KANK4: variants seen among roughly 807,000 people sequenced by gnomAD.
KANK4 encodes KN motif and ankyrin repeat domain-containing protein 4.
KANK4 carries 50 observed loss-of-function variants against 80.8 expected under a neutral mutation model. That is an observed-to-expected ratio of 0.62 (90% confidence interval 0.49 to 0.78). KANK4 has a LOEUF of 0.78. Ranked by LOEUF, KANK4 falls within the 30% of genes least tolerant of loss-of-function variation. KANK4 has a pLI of 0.00. For synonymous variants in KANK4, 465 were observed against 506.9 expected (o/e 0.92, Z 1.11); for missense variants, 1,196 against 1,240.1 (o/e 0.96, Z 0.53).
chr1:62,288,138 A>G, intron 1 of KANK4, among the ~76,000 whole-genome samples: 1 of 152,180 alleles, frequency 6.6e-6, no homozygotes, highest in East Asian at 1.9e-4. Flanking sequence ...AGCCAGCTTC[A>G]TGCTCCTACC....
chr1:62,295,957 C>T (rs1644359825), intron 1 of KANK4, among the ~76,000 whole-genome samples: 1 of 150,298 alleles, frequency 6.7e-6, no homozygotes, highest in Non-Finnish European at 1.5e-5. Flanking sequence ...TTGACTCTGT[C>T]CTGGGTAAGT....
Position 62,274,773 on chromosome 1 carries a change from G to A in KANK4, c.331C>T (p.Pro111Ser), listed in dbSNP as rs1672268590. The A allele has an allele frequency of 6.2e-7, 1 of 1,613,940 alleles. No homozygotes were observed. Among genetic ancestry groups the A allele is most frequent in the Admixed American group, 1.7e-5 (1 of 60,010 alleles). The change falls in exon 3 of 10, where the codon CCG becomes TCG. Residue 111 changes from proline (P) to serine (S), a missense_variant. Pro to Ser is a moderately conservative substitution (Grantham distance 74). Transcript: ENST00000371153. The part of the protein sequence containing the change: ...LGTQEQNQSP[P>S]LGNAPQASTS... Reference sequence around the variant, plus strand: ...GAGGCCTGGGGGGCATTACCAAGCGGTGGTGACTGGTTTTGCTCCTGTGTC... The same window carrying A: ...GAGGCCTGGGGGGCATTACCAAGCGATGGTGACTGGTTTTGCTCCTGTGTC...
chr1:62,314,272 C>T (rs1644521733), intron 1 of KANK4, among the ~76,000 whole-genome samples: 1 of 152,152 alleles, frequency 6.6e-6, no homozygotes, highest in Non-Finnish European at 1.5e-5. Context: ...CCTCAGCCTC[C>T]CAAAGTGCTG....
chr1:62,299,947 C>T (rs968281287), intron 1 of KANK4, among the ~76,000 whole-genome samples: 1 of 152,224 alleles, frequency 6.6e-6, no homozygotes, highest in South Asian at 2.1e-4. Context: ...GTTTTGGGCC[C>T]AGCCCCTCGG....
At chr1:62,314,347 G>A (rs770893622) in intron 1 of KANK4, among the ~76,000 whole-genome samples, 50 of 152,122 alleles carry the variant, frequency 3.3e-4, no homozygotes, top group Non-Finnish European at 5.6e-4. Flanking sequence ...CCCAGGAGTA[G>A]GATGGCTACA....
At position 62,279,516 on chromosome 1, in the gene KANK4, C is replaced by T. The variant is rs544359756; in HGVS notation, c.16+2033G>A. On this transcript the variant is annotated intron_variant, in intron 2 of 9. Transcript: ENST00000371153. ...ATCAAATAAACCAACACATGGCCAA[C>T]CTGGCTGGATTTGAATCATGGCTGT... 2.6e-5 allele frequency among the ~76,000 whole-genome samples: 4 copies of T among 152,314 alleles called. No individual in the cohort carries two copies. In the East Asian group the frequency reaches 7.7e-4, roughly 29 times the overall value.
intron 1 of KANK4, among the ~76,000 whole-genome samples, chr1:62,307,327 C>T (rs1184844462): frequency 6.6e-6 from 1 of 151,828 alleles, no homozygotes; most frequent in East Asian, 1.9e-4. Flanking sequence ...ACTAAAAATA[C>T]AAAAATTAGC....
rs1644482719 is a variant in KANK4 at position 62,309,758 on chromosome 1, G to A, written c.-71+9348C>T. Reference sequence around the variant, plus strand: ...CCAGGGGAATTTCACTCTTCCACGGGCCACACTGCGATGGACTAACAGGTT... The same window carrying A: ...CCAGGGGAATTTCACTCTTCCACGGACCACACTGCGATGGACTAACAGGTT... On this transcript the variant is annotated intron_variant, in intron 1 of 9. Coordinates refer to ENST00000371153, the MANE Select transcript of KANK4 (RefSeq NM_181712.5). 3.9e-5 allele frequency among the ~76,000 whole-genome samples: 6 copies of A among 152,254 alleles called. No individual in the cohort carries two copies. The South Asian group carries it at 1.2e-3, about 32-fold the overall frequency.
intron 9 of KANK4, among the ~76,000 whole-genome samples, chr1:62,244,379 G>A (rs1410287554): frequency 6.6e-6 from 1 of 151,900 alleles, no homozygotes; most frequent in African/African-American, 2.4e-5. Flanking sequence ...TCTATTTTCT[G>A]TAGAGAGGGG....
intron 7 of KANK4, among the ~76,000 whole-genome samples, chr1:62,259,116 G>A (rs1469431406): frequency 6.6e-6 from 1 of 152,034 alleles, no homozygotes; most frequent in Non-Finnish European, 1.5e-5. Flanking sequence ...GGCCACAGGA[G>A]GGATTTCAGC....
Position 62,273,770 on chromosome 1 carries a change from C to T in KANK4, c.1334G>A (p.Trp445Ter). 1 of 1,614,134 alleles carries T rather than the reference C, an allele frequency of 6.2e-7. No homozygotes were observed. The highest frequency in any genetic ancestry group is 8.5e-7 in the Non-Finnish European group (1 of 1,180,016). Residue 445 changes from tryptophan (W) to a stop codon, truncating the protein, a stop_gained, in exon 3 of 10, where the codon TGG becomes TAG. Coordinates refer to ENST00000371153, the MANE Select transcript of KANK4 (RefSeq NM_181712.5). LOFTEE classifies it high-confidence loss of function. Reference protein sequence around the residue: ...NLLGSMESESWGHRGEENGLL... With the variant: ...NLLGSMESES Reference sequence around the variant, plus strand: ...GCCATTCTCCTCTCCTCGGTGCCCCCAGCTTTCAGACTCCATGCTGCCTAG... The same window carrying T: ...GCCATTCTCCTCTCCTCGGTGCCCCTAGCTTTCAGACTCCATGCTGCCTAG...
At position 62,237,665 on chromosome 1, in the gene KANK4, T is replaced by G. The variant is rs1402056035; in HGVS notation, c.*612A>C. On this transcript the variant is annotated 3_prime_UTR_variant, in exon 10 of 10. Coordinates refer to ENST00000371153, the MANE Select transcript of KANK4 (RefSeq NM_181712.5). ...TGTACATATGGCATTGATGCCAAAGTGCTTCTTCTACCCTGTCAGATTTTA... is the reference window on the plus strand; with the variant it reads ...TGTACATATGGCATTGATGCCAAAGGGCTTCTTCTACCCTGTCAGATTTTA... 6.6e-6 allele frequency: 1 copy of G among 152,132 alleles called. No individual in the cohort carries two copies. Among genetic ancestry groups the G allele is most frequent in the African/African-American group, 2.4e-5 (1 of 41,424 alleles). The allele number at this position is 152,132 out of a possible 1,614,324, so 9.4% of individuals were successfully genotyped here.
At position 62,273,717 on chromosome 1, in the gene KANK4, G is replaced by A. The variant is rs148702466; in HGVS notation, c.1387C>T (p.Gln463Ter). ...GLLWGPDGHK[Q>*]GNQSPAERVL... ...CGTTCTGCTGGGCTCTGATTCCCTT[G>A]TTTATGACCATCTGGCCCCCATAGG... Residue 463 changes from glutamine (Q) to a stop codon, truncating the protein, a stop_gained, in exon 3 of 10, where the codon CAA becomes TAA. Coordinates refer to ENST00000371153, the MANE Select transcript of KANK4 (RefSeq NM_181712.5). LOFTEE classifies it high-confidence loss of function. 1.2e-6 allele frequency: 2 copies of A among 1,614,104 alleles called. No individual in the cohort carries two copies. The highest frequency in any genetic ancestry group is 2.7e-5 in the African/African-American group (2 of 75,026).
chr1:62,265,625 G>A lies in KANK4; in HGVS notation c.2319+1107C>T, dbSNP rs146002874. ...AAAATGAGTTGGGTAAGAAATAAAT[G>A]CTGATGAATTGATCGTTTTTACTTC... On this transcript the variant is annotated intron_variant, in intron 6 of 9. Transcript: ENST00000371153. Among the ~76,000 whole-genome samples, 97 of 152,316 alleles carry A rather than the reference G, an allele frequency of 6.4e-4. No homozygotes were observed. The East Asian group carries it at 9.8e-3, about 15-fold the overall frequency.
chr1:62,263,595 A>G (rs1258498496), intron 6 of KANK4, among the ~76,000 whole-genome samples: 1 of 152,176 alleles, frequency 6.6e-6, no homozygotes, highest in Admixed American at 6.5e-5. Flanking sequence ...CGGGAAGTTT[A>G]GCTCACACCC....
chr1:62,268,645 G>A (rs1672088166), intron 4 of KANK4, 140 bp from the exon 5 acceptor site: 1 of 687,018 alleles, frequency 1.5e-6, no homozygotes, highest in Admixed American at 2.6e-5. Context: ...TGCCGGCAGG[G>A]TGACAGGCTC....
At chr1:62,288,170 G>A (rs1322887647) in intron 1 of KANK4, among the ~76,000 whole-genome samples, 4 of 152,244 alleles carry the variant, frequency 2.6e-5, no homozygotes, top group African/African-American at 9.6e-5. Flanking sequence ...ACCATCTCCT[G>A]AACCAAACAT....
chr1:62,318,865 G>GC (rs1644564825), intron 1 of KANK4, among the ~76,000 whole-genome samples: 2 of 152,206 alleles, frequency 1.3e-5, no homozygotes, highest in Non-Finnish European at 2.9e-5. Flanking sequence ...AGCCCGAGCA[G>GC]CCCCGCTCCT....
chr1:62,259,117 G>A (rs923411001), intron 7 of KANK4, among the ~76,000 whole-genome samples: 1 of 151,962 alleles, frequency 6.6e-6, no homozygotes, highest in African/African-American at 2.4e-5. Flanking sequence ...GCCACAGGAG[G>A]GATTTCAGCC....
Sources: gnomAD v4.1 joint callset for allele counts (sites outside exome capture counted in the v4.1 genomes callset) on GRCh38, gnomAD v4.1.1 for gene constraint, MANE v1.5 for transcripts, NCBI Gene and HGNC (gene_info 2026-07-23, HGNC 2026-07-21) for gene names.